KDM4B: variants seen among roughly 807,000 people sequenced by gnomAD.
The protein encoded by KDM4B is lysine demethylase 4B, also known as lysine-specific demethylase 4B.
A neutral mutation model predicts 125.2 loss-of-function variants in KDM4B; 32 were observed. The ratio of observed to expected loss-of-function variants is 0.26; its 90% CI spans 0.19 to 0.34. KDM4B has a LOEUF of 0.34. Ranked by LOEUF, KDM4B falls within the 10% of genes least tolerant of loss-of-function variation. The pLI is 1.00. For missense variants in KDM4B, 1,190 were observed against 1,577.7 expected (o/e 0.75, Z 4.16); for synonymous variants, 721 against 677.9 (o/e 1.06, Z -0.99).
chr19:5,056,331 C>T (rs2037394609), intron 6 of KDM4B, among the ~76,000 whole-genome samples: 1 of 152,064 alleles, frequency 6.6e-6, no homozygotes, highest in Admixed American at 6.6e-5. Context: ...GTCTCCACTG[C>T]AGAGTGGCAC....
intron 11 of KDM4B, among the ~76,000 whole-genome samples, chr19:5,128,863 G>C (rs1212790394): frequency 1.3e-5 from 2 of 148,498 alleles, no homozygotes; most frequent in Non-Finnish European, 1.5e-5. Context: ...CGGGGGGCGG[G>C]GGGGGGGGTC....
At chr19:4,983,972 C>T (rs532416149) in intron 1 of KDM4B, among the ~76,000 whole-genome samples, 24 of 152,294 alleles carry the variant, frequency 1.6e-4, no homozygotes, top group African/African-American at 5.3e-4. Flanking sequence ...TGAATTACCA[C>T]GCGAAAAGCC....
intron 3 of KDM4B, among the ~76,000 whole-genome samples, chr19:5,039,327 AG>A (rs2036729800): frequency 6.6e-6 from 1 of 152,148 alleles, no homozygotes; most frequent in South Asian, 2.1e-4. Context: ...TGGTGGTGCA[AG>A]TCTGTGGTCC....
At chr19:5,119,049 C>A in intron 10 of KDM4B, 1 of 959,364 alleles carries the variant, frequency 1.0e-6, no homozygotes, top group Non-Finnish European at 1.6e-6. Flanking sequence ...AGCCAGGTGG[C>A]CAGGACCAGG....
At chr19:5,076,735 CCT>C (rs1418500410) in intron 7 of KDM4B, 6 of 111,508 alleles carry the variant, frequency 5.4e-5, no homozygotes, top group Non-Finnish European at 1.1e-4. Flanking sequence ...GGGCGGCCAC[CCT>C]GTGTCCTTTC....
intron 1 of KDM4B, among the ~76,000 whole-genome samples, chr19:4,984,548 C>T (rs2034762233): frequency 6.6e-6 from 1 of 152,162 alleles, no homozygotes; most frequent in African/African-American, 2.4e-5. Context: ...AAGACCAGGA[C>T]TCCGCGTCTC....
At chr19:4,981,619 G>GC (rs925495422) in intron 1 of KDM4B, among the ~76,000 whole-genome samples, 1 of 152,128 alleles carries the variant, frequency 6.6e-6, no homozygotes, top group Non-Finnish European at 1.5e-5. Flanking sequence ...CCCCCACCAC[G>GC]CCGGGCCCCT....
intron 2 of KDM4B, among the ~76,000 whole-genome samples, chr19:5,021,828 G>A (rs1282572092): frequency 6.6e-6 from 1 of 152,026 alleles, no homozygotes; most frequent in Non-Finnish European, 1.5e-5. Flanking sequence ...TAGAGACAGG[G>A]TTTCACGGTG....
intron 1 of KDM4B, among the ~76,000 whole-genome samples, chr19:4,970,618 A>G (rs994194459): frequency 3.3e-5 from 5 of 152,154 alleles, no homozygotes; most frequent in African/African-American, 4.8e-5. Flanking sequence ...GACGACTCCT[A>G]TGGGCTTTTA....
At chr19:5,116,510 C>A (rs554436462) in intron 10 of KDM4B, among the ~76,000 whole-genome samples, 3 of 152,248 alleles carry the variant, frequency 2.0e-5, no homozygotes, top group Non-Finnish European at 4.4e-5. Flanking sequence ...GGATGTAAAT[C>A]GAGAAAGCCA....
At chr19:5,101,589 A>T (rs1172763087) in intron 9 of KDM4B, among the ~76,000 whole-genome samples, 1 of 148,466 alleles carries the variant, frequency 6.7e-6, no homozygotes, top group African/African-American at 2.5e-5. Flanking sequence ...GATGCTGGTG[A>T]TGGGTTGGGA....
chr19:5,138,107 C>T, intron 18 of KDM4B, 37 bp downstream of exon 18: 1 of 1,516,376 alleles, frequency 6.6e-7, no homozygotes, highest in East Asian at 2.3e-5. Flanking sequence ...CTGCCCGTGC[C>T]TCTAGGGCTG....
chr19:5,031,344 T>C (rs1342074502), intron 2 of KDM4B, among the ~76,000 whole-genome samples: 1 of 152,214 alleles, frequency 6.6e-6, no homozygotes, highest in Non-Finnish European at 1.5e-5. Context: ...TGCCTTGCCT[T>C]GACACACACT....
At chr19:5,106,522 C>T (rs1330748828) in intron 9 of KDM4B, among the ~76,000 whole-genome samples, 3 of 152,210 alleles carry the variant, frequency 2.0e-5, no homozygotes, top group African/African-American at 7.2e-5. Flanking sequence ...ACGCACCCTC[C>T]TCCTCTGGGG....
rs1341974919 is a variant in KDM4B, at chr19:5,043,958, T to C, written c.432+2707T>C. 5.4e-5 allele frequency among the ~76,000 whole-genome samples: 7 copies of C among 130,596 alleles called. No individual in the cohort carries two copies. In the East Asian group the frequency reaches 1.1e-3, roughly 20 times the overall value. The allele number at this position is 130,596 out of a possible 152,430, so 85.7% of individuals were successfully genotyped here. ...GTGGGGGTGTCCACTGTATCCCGCG[T>C]GGTGGTTATCGGAGTGGGGGTGTCC... On this transcript the variant is annotated intron_variant, in intron 5 of 22. Coordinates refer to ENST00000159111, the MANE Select transcript of KDM4B (RefSeq NM_015015.3).
At chr19:5,111,134 GT>G (rs2039135773) in intron 10 of KDM4B, among the ~76,000 whole-genome samples, 1 of 152,230 alleles carries the variant, frequency 6.6e-6, no homozygotes, top group Admixed American at 6.5e-5. Context: ...CTGACCCTGG[GT>G]GGCCCCAGGC....
intron 1 of KDM4B, among the ~76,000 whole-genome samples, chr19:5,011,894 C>T (rs1409189286): frequency 8.5e-5 from 13 of 152,254 alleles, no homozygotes; most frequent in Admixed American, 8.5e-4. Flanking sequence ...CTCCCTGATT[C>T]CCGCCAGTGG....
intron 1 of KDM4B, among the ~76,000 whole-genome samples, chr19:5,007,542 C>CT (rs10536135): frequency 0.19 from 18,685 of 100,644 alleles, 1,949 homozygotes; most frequent in Non-Finnish European, 0.24. Context: ...TTCTCTCTCT[C>CT]TTTTTTTTTT....
Position 5,114,329 on chromosome 19 carries a change from C to T in KDM4B, c.1115+3511C>T, listed in dbSNP as rs1237894182. The T allele has an allele frequency of 2.2e-6, 2 of 915,236 alleles. No individual in the cohort carries two copies. The highest frequency in any genetic ancestry group is 3.1e-6 in the Non-Finnish European group (2 of 646,834). 56.7% of individuals were successfully genotyped at this position (915,236 alleles called of 1,614,324 possible). A position where few individuals can be genotyped will look rare whatever the true frequency, so the allele number is the denominator to read the frequency against. On this transcript the variant is annotated intron_variant, in intron 10 of 22. Coordinates refer to ENST00000159111, the MANE Select transcript of KDM4B (RefSeq NM_015015.3). The surrounding 1 kb of genome is among the most constrained non-coding windows in gnomAD (Gnocchi z 5.8). ...CCCAGGCCTCGTCTCCCCTACCCCT[C>T]CGAGCTCGGTGCTGCCTGTCCCCTC...
Sources: allele counts gnomAD v4.1 joint callset (sites outside exome capture counted in the v4.1 genomes callset), GRCh38; gene constraint gnomAD v4.1.1; non-coding constraint Gnocchi (gnomAD v3.1); transcripts MANE v1.5; gene names NCBI Gene and HGNC (gene_info 2026-07-23, HGNC 2026-07-21).